MAPK13: variants seen among roughly 807,000 people sequenced by gnomAD.
The protein encoded by MAPK13 is MAP kinase 13.
In MAPK13, 39 loss-of-function variants were observed where a neutral mutation model predicts 53.5. The ratio of observed to expected loss-of-function variants is 0.73; its 90% confidence interval spans 0.56 to 0.95. The LOEUF is 0.95. Among genes scored for constraint, MAPK13 ranks in the 40% least tolerant of loss-of-function variants. The pLI, the probability that MAPK13 is intolerant of heterozygous loss-of-function variation, is 0.00. For synonymous variants in MAPK13, 179 were observed against 190.9 expected, an observed-to-expected ratio of 0.94 and a Z score of 0.51; for missense variants, 460 against 471.8, an observed-to-expected ratio of 0.98 and a Z score of 0.23.
At chr6:36,136,354 T>C in intron 5 of MAPK13, 130 bp from the exon 6 acceptor site, 1 of 772,544 alleles carries the variant, frequency 1.3e-6, no homozygotes, top group Non-Finnish European at 2.1e-6. Context: ...AACCCTCATT[T>C]TACACATGAA....
chr6:36,132,708 C>G, intron 3 of MAPK13, 29 bp downstream of exon 3: 1 of 1,613,304 alleles, frequency 6.2e-7, no homozygotes, highest in Non-Finnish European at 8.5e-7. Context: ...GGTTCTGGGG[C>G]ATTTGCAGGC....
chr6:36,135,962 G>A (rs1287187787), intron 4 of MAPK13, 57 bp from the exon 5 acceptor site: 6 of 1,610,298 alleles, frequency 3.7e-6, no homozygotes, highest in Non-Finnish European at 5.1e-6. Context: ...CGGCCAGCCT[G>A]AAGTGCCTGG....
intron 5 of MAPK13, 82 bp downstream of exon 5, chr6:36,136,130 A>G (rs1766412341): frequency 6.4e-7 from 1 of 1,557,468 alleles, no homozygotes; most frequent in South Asian, 1.1e-5. Context: ...AAGGAGTGGG[A>G]AAGTTGGAGG....
intron 3 of MAPK13, among the ~76,000 whole-genome samples, chr6:36,133,095 GT>G (rs1190057479): frequency 7.2e-5 from 11 of 152,238 alleles, no homozygotes; most frequent in Non-Finnish European, 1.5e-4. Context: ...TGATGGGGGT[GT>G]TTGACAGAAT....
In MAPK13 at chr6:36,139,056, G is replaced by A. The variant is rs778203783; in HGVS notation, c.1018+1G>A. The A allele has an allele frequency of 1.1e-5, 17 of 1,588,224 alleles. No homozygotes were observed. Among genetic ancestry groups the A allele is most frequent in the Middle Eastern group, 1.7e-4 (1 of 5,912 alleles). On this transcript the variant is annotated splice_donor_variant, in intron 11 of 11. Transcript: ENST00000211287. LOFTEE classifies it high-confidence loss of function. ...AAACTCACAGTGGATGAATGGAAGC[G>A]TAAGAGCTGGGGCCTCGGGCTTCCT...
Position 36,140,387 on chromosome 6 carries a change from G to C in MAPK13, c.*1014G>C, listed in dbSNP as rs745515192. The stretch of plus-strand genomic sequence containing the variant: ...AGCTCTCCAGAGCTTTGACCTGACA[G>C]TGGCTAGAACCTCTCTGTTTTTATC... On this transcript the variant is annotated 3_prime_UTR_variant, in exon 12 of 12. Transcript: ENST00000211287. 1 of 152,802 alleles carries C rather than the reference G, an allele frequency of 6.5e-6. No individual in the cohort carries two copies. The highest frequency in any genetic ancestry group is 2.4e-5 in the African/African-American group (1 of 41,466). 9.5% of individuals were successfully genotyped at this position (152,802 alleles called of 1,614,324 possible).
intron 2 of MAPK13, 133 bp downstream of exon 2, chr6:36,131,533 A>G: frequency 3.4e-6 from 3 of 878,376 alleles, no homozygotes; most frequent in Non-Finnish European, 5.1e-6. Flanking sequence ...CTCTCGCCTC[A>G]CTATTGAAAG....
Position 36,140,804 on chromosome 6 carries a change from C to G in MAPK13, c.*1431C>G, listed in dbSNP as rs539948674. The G allele has an allele frequency of 3.3e-5, 5 of 152,272 alleles. No individual in the cohort carries two copies. The highest frequency in any genetic ancestry group is 1.2e-4 in the African/African-American group (5 of 41,496). The allele number at this position is 152,272 out of a possible 1,614,324, so 9.4% of individuals were successfully genotyped here. ...TTTGTTTGTTTGTTTGAGACAGGGTCTGGCTCTGTCACCCGGGCTGGAGTT... is the reference window on the plus strand; with the variant it reads ...TTTGTTTGTTTGTTTGAGACAGGGTGTGGCTCTGTCACCCGGGCTGGAGTT... On this transcript the variant is annotated 3_prime_UTR_variant, in exon 12 of 12. Transcript: ENST00000211287.
chr6:36,136,264 G>A (rs1766415197), intron 5 of MAPK13, among the ~76,000 whole-genome samples: 1 of 152,178 alleles, frequency 6.6e-6, no homozygotes, highest in South Asian at 2.1e-4. Flanking sequence ...CAGACAAAGT[G>A]AGCCCTGAGC....
chr6:36,136,561 C>T (rs759229659), intron 6 of MAPK13, 30 bp downstream of exon 6: 159 of 1,594,588 alleles, frequency 1.0e-4, no homozygotes, highest in Middle Eastern at 1.7e-4. Flanking sequence ...AGCCCAGAGG[C>T]GGGATAGGCC....
chr6:36,143,881 C>T lies in MAPK13; in HGVS notation c.*4508C>T, dbSNP rs1316866470. 6.6e-6 allele frequency: 1 copy of T among 152,222 alleles called. No homozygotes were observed. Among genetic ancestry groups the T allele is most frequent in the Non-Finnish European group, 1.5e-5 (1 of 68,090 alleles). The allele number at this position is 152,222 out of a possible 1,614,324, so 9.4% of individuals were successfully genotyped here. ...CTGCTCTGGTTCCTCCTGCGGGGTC[C>T]CTGCTCAGCTGGGCAGCTGCCCTCA... is the stretch of plus-strand genomic sequence containing the variant. On this transcript the variant is annotated 3_prime_UTR_variant, in exon 12 of 12. Transcript: ENST00000211287.
At chr6:36,135,518 T>G (rs1766398838) in intron 3 of MAPK13, among the ~76,000 whole-genome samples, 1 of 152,176 alleles carries the variant, frequency 6.6e-6, no homozygotes. Context: ...CTGAGCGCGC[T>G]CCAACTGCAG....
At chr6:36,137,007 C>A in intron 8 of MAPK13, 57 bp downstream of exon 8, 1 of 1,442,500 alleles carries the variant, frequency 6.9e-7, no homozygotes, top group Non-Finnish European at 9.7e-7. Flanking sequence ...TCAACAGACA[C>A]TTTATTTAAA....
At chr6:36,135,724 C>G in intron 3 of MAPK13, 29 bp from the exon 4 acceptor site, 1 of 1,547,078 alleles carries the variant, frequency 6.5e-7, no homozygotes, top group African/African-American at 1.4e-5. Context: ...GGACCCGGCA[C>G]TGTTCCAAGA....
chr6:36,137,958 C>CAAAA lies in MAPK13; in HGVS notation c.683-388_683-385dup, dbSNP rs35527328. 1.4e-3 allele frequency among the ~76,000 whole-genome samples: 117 copies of CAAAA among 83,208 alleles called. 1 individual carries two copies. In the East Asian group the frequency reaches 0.018, roughly 12 times the overall value. 54.6% of individuals were successfully genotyped at this position (83,208 alleles called of 152,430 possible). ...TGAGTGACAGAGTGAGACCCTGTCT[C>CAAAA]AAAAAAAAAAAAAAAAAAAAAATGT... On this transcript the variant is annotated intron_variant, in intron 8 of 11. Transcript: ENST00000211287.
Position 36,130,636 on chromosome 6 carries a change from C to G in MAPK13, c.54C>G (p.Ala18=). ...ACAAGCAGGACGTCAACAAGACAGC[C>G]TGGGAGCTGCCCAAGACCTACGTGT... ...GFYKQDVNKT[A]WELPKTYVSP... The change falls in exon 1 of 12, where the codon GCC becomes GCG. Residue 18 remains alanine (A), a synonymous_variant. Coordinates refer to ENST00000211287, the MANE Select transcript of MAPK13 (RefSeq NM_002754.5). This position sits in a 1 kb window ranked among gnomAD's most constrained non-coding sequence, Gnocchi z 4.5. 1 of 1,588,456 alleles carries G rather than the reference C, an allele frequency of 6.3e-7. No individual in the cohort carries two copies. The highest frequency in any genetic ancestry group is 2.5e-5 in the East Asian group (1 of 40,626).
At position 36,130,838 on chromosome 6, in the gene MAPK13, C is replaced by G. The variant is rs547540105; in HGVS notation, c.119+137C>G. ...AGGCCCAGCGCCCTCCCCGGGGCCA[C>G]CCAGCGGCCATCTCCCTTTTCTCAC... On this transcript the variant is annotated intron_variant, in intron 1 of 11. Coordinates refer to ENST00000211287, the MANE Select transcript of MAPK13 (RefSeq NM_002754.5). This position sits in a 1 kb window ranked among gnomAD's most constrained non-coding sequence, Gnocchi z 4.5. The G allele has an allele frequency of 1.5e-5, 8 of 528,178 alleles. No homozygotes were observed. Among genetic ancestry groups the G allele is most frequent in the Middle Eastern group, 5.0e-4 (1 of 1,988 alleles). The allele number at this position is 528,178 out of a possible 1,614,324, so 32.7% of individuals were successfully genotyped here.
intron 3 of MAPK13, among the ~76,000 whole-genome samples, chr6:36,134,617 C>T (rs910363918): frequency 6.6e-6 from 1 of 152,102 alleles, no homozygotes; most frequent in Admixed American, 6.6e-5. Context: ...ATCCTGATCT[C>T]GAATTCCCGG....
At chr6:36,138,250 C>A in intron 8 of MAPK13, 115 bp from the exon 9 acceptor site, 1 of 756,306 alleles carries the variant, frequency 1.3e-6, no homozygotes, top group Non-Finnish European at 2.3e-6. Context: ...TTAGGCAGGG[C>A]TGGAGCCTGG....
Sources: gnomAD v4.1 joint callset for allele counts (sites outside exome capture counted in the v4.1 genomes callset) on GRCh38, gnomAD v4.1.1 for gene constraint, Gnocchi (gnomAD v3.1) non-coding constraint, MANE v1.5 for transcripts, NCBI Gene and HGNC (gene_info 2026-07-23, HGNC 2026-07-21) for gene names.